RNF128: variants seen among roughly 807,000 people sequenced by gnomAD.
The protein encoded by RNF128 is E3 ubiquitin-protein ligase RNF128.
RNF128 carries 13 observed loss-of-function variants against 26.2 expected under a neutral mutation model. That is an observed-to-expected ratio of 0.50 (90% CI 0.32 to 0.79). The LOEUF is 0.79. RNF128 is among the 30% of genes least tolerant of loss of function. The probability of loss-of-function intolerance (pLI) is 0.03; values close to 1 mark genes in which losing one functional copy is unlikely to be tolerated. For missense variants in RNF128, 315 were observed against 349.7 expected, an observed-to-expected ratio of 0.90 and a Z score of 0.79; for synonymous variants, 149 against 142.5, an observed-to-expected ratio of 1.05 and a Z score of -0.32.
intron 1 of RNF128, chrX:106,694,446 G>A (rs748670788): frequency 3.1e-5 from 33 of 1,063,026 alleles, no homozygotes; most frequent in Middle Eastern, 2.6e-4. Context: ...GTTAATGTCC[G>A]TTTATCTTAG....
chrX:106,712,829 C>G (rs1454095486), intron 1 of RNF128, among the ~76,000 whole-genome samples: 2 of 109,831 alleles, frequency 1.8e-5, no homozygotes, highest in African/African-American at 6.6e-5. Context: ...TGTAAATAAG[C>G]CTGACTCTTG....
intron 1 of RNF128, among the ~76,000 whole-genome samples, chrX:106,767,560 A>C (rs1350198568): frequency 1.8e-5 from 2 of 111,695 alleles, no homozygotes; most frequent in Non-Finnish European, 3.8e-5. Context: ...TTGCACATTG[A>C]TTTTGTATCC....
In RNF128 at chrX:106,726,898, G is replaced by A; in HGVS notation, c.-16G>A. ...CGCGTGCCAGGGGCGCTAGGGAACT[G>A]CGGAGCGCGCGCGCCATGGGGCCGC... On this transcript the variant is annotated 5_prime_UTR_variant, in exon 1 of 7. Transcript: ENST00000255499. 8.6e-7 allele frequency: 1 copy of A among 1,160,100 alleles called. No homozygotes were observed. The highest frequency in any genetic ancestry group is 3.2e-5 in the East Asian group (1 of 31,439).
At chrX:106,759,023 G>T (rs1930074080) in intron 1 of RNF128, among the ~76,000 whole-genome samples, 1 of 111,770 alleles carries the variant, frequency 8.9e-6, no homozygotes, top group Non-Finnish European at 1.9e-5. Flanking sequence ...GAAAATATTT[G>T]CAAACTATTC....
intron 1 of RNF128, among the ~76,000 whole-genome samples, chrX:106,755,484 T>A (rs758407763): frequency 4.6e-5 from 5 of 109,791 alleles, no homozygotes; most frequent in Non-Finnish European, 9.5e-5. Flanking sequence ...TACAGGCAAG[T>A]CTCTCTGATG....
chrX:106,754,665 T>C (rs1213795261), intron 1 of RNF128, among the ~76,000 whole-genome samples: 2 of 109,825 alleles, frequency 1.8e-5, no homozygotes, highest in Non-Finnish European at 3.8e-5. Context: ...TACATGGAGA[T>C]AAACAGTATG....
intron 1 of RNF128, among the ~76,000 whole-genome samples, chrX:106,750,136 G>C (rs1929856939): frequency 9.0e-6 from 1 of 111,606 alleles, no homozygotes; most frequent in Non-Finnish European, 1.9e-5. Flanking sequence ...TGTTCAGTCA[G>C]TTGTACACAT....
At chrX:106,770,297 G>A (rs996696873) in intron 1 of RNF128, among the ~76,000 whole-genome samples, 6 of 111,429 alleles carry the variant, frequency 5.4e-5, no homozygotes, top group Admixed American at 9.5e-5. Flanking sequence ...GGCCTGCCTT[G>A]CTAGATTGGG....
At chrX:106,773,941 C>G (rs1930421733) in intron 2 of RNF128, among the ~76,000 whole-genome samples, 1 of 111,240 alleles carries the variant, frequency 9.0e-6, no homozygotes, top group Non-Finnish European at 1.9e-5. Context: ...GCCCTTCTTT[C>G]TCTTTGTTAT....
At chrX:106,751,060 C>T (rs1929875509) in intron 1 of RNF128, among the ~76,000 whole-genome samples, 1 of 111,485 alleles carries the variant, frequency 9.0e-6, no homozygotes, top group Admixed American at 9.6e-5. Flanking sequence ...ATCATCCCCT[C>T]CATAGGAACA....
chrX:106,734,263 T>C (rs1253193917), intron 1 of RNF128, among the ~76,000 whole-genome samples: 1 of 110,781 alleles, frequency 9.0e-6, no homozygotes, highest in African/African-American at 3.3e-5. Flanking sequence ...AAAATATGCT[T>C]CACCGAGGTT....
chrX:106,776,081 C>G (rs1315385767), intron 2 of RNF128, among the ~76,000 whole-genome samples: 2 of 112,180 alleles, frequency 1.8e-5, no homozygotes, highest in African/African-American at 6.5e-5. Context: ...CATATTAGGC[C>G]TTATAAGTTA....
rs1164755162 is a variant in RNF128 at position 106,790,209 on chromosome X, T to G, written c.911T>G (p.Val304Gly). The change falls in exon 5 of 7, where the codon GTT (valine) becomes GGT (glycine). Residue 304 changes from valine (V) to glycine (G), a missense_variant. Coordinates refer to ENST00000255499, the MANE Select transcript of RNF128 (RefSeq NM_194463.2). Reference protein sequence around the residue: ...TCNHIFHKTCVDPWLLEHRTC... With the variant: ...TCNHIFHKTCGDPWLLEHRTC... ...AGCCATATTTTCCATAAGACATGTG[T>G]TGACCCATGGCTGTTAGAACACAGG... is the stretch of plus-strand genomic sequence containing the variant. 1.7e-6 allele frequency: 2 copies of G among 1,199,855 alleles called. No individual in the cohort carries two copies. The highest frequency in any genetic ancestry group is 2.3e-6 in the Non-Finnish European group (2 of 888,031).
chrX:106,721,041 T>A (rs1026459901), intron 1 of RNF128, among the ~76,000 whole-genome samples: 1 of 112,209 alleles, frequency 8.9e-6, no homozygotes, highest in Non-Finnish European at 1.9e-5. Context: ...AATGGTTGTA[T>A]ACTAACTTGA....
Position 106,726,856 on chromosome X carries a change from G to C in RNF128, c.-58G>C, listed in dbSNP as rs1487786382. 3.1e-5 allele frequency: 35 copies of C among 1,114,765 alleles called. No individual in the cohort carries two copies. Among genetic ancestry groups the C allele is most frequent in the Non-Finnish European group, 4.0e-5 (34 of 853,780 alleles). The allele number at this position is 1,114,765 out of a possible 1,213,427, so 91.9% of individuals were successfully genotyped here. ...CGCACCTGCTCAAGACCAGGGTCCT[G>C]CCAAGCGCTAGGAGGGCGCGTGCCA... On this transcript the variant is annotated 5_prime_UTR_variant, in exon 1 of 7. Coordinates refer to ENST00000255499, the MANE Select transcript of RNF128 (RefSeq NM_194463.2).
intron 1 of RNF128, among the ~76,000 whole-genome samples, chrX:106,768,272 A>G (rs903787786): frequency 1.7e-4 from 19 of 111,869 alleles, no homozygotes; most frequent in Non-Finnish European, 2.8e-4. Flanking sequence ...ATTGATTGGA[A>G]TAGTTTCAGA....
chrX:106,788,769 C>T (rs1222141930), intron 4 of RNF128, among the ~76,000 whole-genome samples: 2 of 66,362 alleles, frequency 3.0e-5, no homozygotes, highest in Non-Finnish European at 5.0e-5. Flanking sequence ...AATATATATA[C>T]TATATATAAT....
intron 1 of RNF128, among the ~76,000 whole-genome samples, chrX:106,716,502 T>C (rs756479766): frequency 7.2e-5 from 8 of 111,830 alleles, no homozygotes; most frequent in Non-Finnish European, 1.5e-4. Context: ...ATTCTATATC[T>C]TGACTGTGAT....
intron 1 of RNF128, among the ~76,000 whole-genome samples, chrX:106,699,273 T>C (rs960437136): frequency 8.9e-6 from 1 of 112,300 alleles, no homozygotes; most frequent in African/African-American, 3.2e-5. Context: ...TTGATGCTAA[T>C]CATGTACAAT....
Sources: gnomAD v4.1 joint callset for allele counts (sites outside exome capture counted in the v4.1 genomes callset) on GRCh38, gnomAD v4.1.1 for gene constraint, MANE v1.5 for transcripts, NCBI Gene and HGNC (gene_info 2026-07-23, HGNC 2026-07-21) for gene names.